The following FRMPD3 variants were observed in gnomAD, a reference collection of about 807,000 sequenced individuals.
The protein encoded by FRMPD3 is FERM and PDZ domain-containing protein 3.
FRMPD3 carries 42 observed loss-of-function variants against 97.9 expected under a neutral mutation model. The ratio of observed to expected loss-of-function variants is 0.43; its 90% CI spans 0.34 to 0.55. The LOEUF is 0.55. Among genes scored for constraint, FRMPD3 ranks in the 20% least tolerant of loss-of-function variants. The probability of loss-of-function intolerance (pLI) is 0.03; values close to 1 mark genes in which losing one functional copy is unlikely to be tolerated. For synonymous variants in FRMPD3, 577 were observed against 581.1 expected (o/e 0.99, Z 0.10); for missense variants, 1,303 against 1,457.7 (o/e 0.89, Z 1.73).
At chrX:107,552,184 A>C (rs1921891563) in intron 6 of FRMPD3, among the ~76,000 whole-genome samples, 1 of 112,378 alleles carries the variant, frequency 8.9e-6, no homozygotes, top group African/African-American at 3.2e-5. Flanking sequence ...ATGACTGTAC[A>C]CAAAACACAT....
At chrX:107,595,933 G>A (rs188351593) in intron 13 of FRMPD3, among the ~76,000 whole-genome samples, 2,036 of 97,809 alleles carry the variant, frequency 0.021, 65 homozygotes, top group African/African-American at 0.078. Context: ...GTGAGACTCC[G>A]TCTCAAAAAA....
chrX:107,509,284 G>C (rs1045417206), intron 1 of FRMPD3, among the ~76,000 whole-genome samples: 28 of 112,406 alleles, frequency 2.5e-4, no homozygotes, highest in African/African-American at 9.1e-4. Flanking sequence ...TTATAGCTTT[G>C]GTCTCTATTA....
rs753650602 is a variant in FRMPD3 at position 107,590,054 on chromosome X, C to T, written c.1442-7267C>T. Among the ~76,000 whole-genome samples the T allele has an allele frequency of 3.6e-5, 4 of 112,213 alleles. No individual in the cohort carries two copies. In the East Asian group the frequency reaches 1.1e-3, roughly 31 times the overall value. On this transcript the variant is annotated intron_variant, in intron 13 of 14. Transcript: ENST00000683843. ...CCTGTAGTCCCAGCTACTCAGGAGGCTGAGGCAGGGGAATCGCTTGAACCA... is the reference window on the plus strand; with the variant it reads ...CCTGTAGTCCCAGCTACTCAGGAGGTTGAGGCAGGGGAATCGCTTGAACCA...
At chrX:107,501,548 A>T (rs1433516836) in intron 1 of FRMPD3, among the ~76,000 whole-genome samples, 47 of 80,777 alleles carry the variant, frequency 5.8e-4, no homozygotes, top group South Asian at 2.1e-3. Context: ...TCCTATTTTT[A>T]TATCTTCTTT....
At chrX:107,471,008 C>T (rs186913103) in intron 1 of FRMPD3, among the ~76,000 whole-genome samples, 2 of 112,494 alleles carry the variant, frequency 1.8e-5, no homozygotes, top group East Asian at 2.8e-4. Flanking sequence ...GAAAGCCCAG[C>T]GCTATGGGCG....
At chrX:107,536,215 G>C (rs1053192800) in intron 4 of FRMPD3, among the ~76,000 whole-genome samples, 1 of 110,288 alleles carries the variant, frequency 9.1e-6, no homozygotes, top group African/African-American at 3.3e-5. Flanking sequence ...ATTTAGCTAG[G>C]TGTGGTAGGG....
intron 1 of FRMPD3, among the ~76,000 whole-genome samples, chrX:107,485,080 T>C (rs1409572225): frequency 1.8e-5 from 2 of 112,838 alleles, no homozygotes; most frequent in East Asian, 5.6e-4. Flanking sequence ...GTCTGTTTCC[T>C]GGTTCTTCTG....
At chrX:107,570,839 C>G (rs1350267890) in intron 12 of FRMPD3, among the ~76,000 whole-genome samples, 1 of 111,542 alleles carries the variant, frequency 9.0e-6, no homozygotes. Flanking sequence ...TGCTAAGTGC[C>G]TGTTAGCTCC....
At chrX:107,557,795 GTCTA>G (rs1922152443) in intron 8 of FRMPD3, among the ~76,000 whole-genome samples, 2 of 26,610 alleles carry the variant, frequency 7.5e-5, no homozygotes, top group African/African-American at 2.5e-4. Flanking sequence ...AAAATCTGTT[GTCTA>G]TATATATATA....
intron 12 of FRMPD3, among the ~76,000 whole-genome samples, chrX:107,568,976 A>G (rs1327396539): frequency 1.8e-5 from 2 of 109,625 alleles, no homozygotes; most frequent in East Asian, 5.8e-4. Flanking sequence ...GCCTTCAAAA[A>G]GCTTACCTAG....
intron 1 of FRMPD3, among the ~76,000 whole-genome samples, chrX:107,510,508 T>A (rs1447071080): frequency 8.9e-6 from 1 of 111,924 alleles, no homozygotes; most frequent in Non-Finnish European, 1.9e-5. Flanking sequence ...GACAGGGTTT[T>A]CCCAGCTACC....
rs768380070 is a variant in FRMPD3, at chrX:107,493,137, A to T, written c.-7-33445A>T. 6.9e-4 allele frequency among the ~76,000 whole-genome samples: 66 copies of T among 95,337 alleles called. 1 individual carries two copies. The highest frequency in any genetic ancestry group is 2.4e-3 in the African/African-American group (61 of 25,498). 82.8% of individuals were successfully genotyped at this position (95,337 alleles called of 115,157 possible). A position where few individuals can be genotyped will look rare whatever the true frequency, so the allele number is the denominator to read the frequency against. ...TAAGGCTATAGAGAGCTGTGATTGTATCAATGCACTCCAACCTGGGTGACA... is the reference window on the plus strand; with the variant it reads ...TAAGGCTATAGAGAGCTGTGATTGTTTCAATGCACTCCAACCTGGGTGACA... On this transcript the variant is annotated intron_variant, in intron 1 of 14. Transcript: ENST00000683843.
At chrX:107,463,650 A>G (rs1931512372) in intron 1 of FRMPD3, among the ~76,000 whole-genome samples, 1 of 112,747 alleles carries the variant, frequency 8.9e-6, no homozygotes, top group Non-Finnish European at 1.9e-5. Context: ...ATGGTCTGAT[A>G]TGAAGGATGG....
At chrX:107,517,908 A>G (rs1195856411) in intron 1 of FRMPD3, among the ~76,000 whole-genome samples, 1 of 109,634 alleles carries the variant, frequency 9.1e-6, no homozygotes, top group East Asian at 2.9e-4. Flanking sequence ...CATGGATTTT[A>G]AAGTGAAATC....
intron 11 of FRMPD3, among the ~76,000 whole-genome samples, 161 bp from the exon 12 acceptor site, chrX:107,564,726 A>G (rs929497238): frequency 8.9e-6 from 1 of 111,858 alleles, no homozygotes; most frequent in African/African-American, 3.3e-5. Context: ...GTCCCAGACC[A>G]TTTTCCCCTC....
At chrX:107,474,362 G>T (rs1399622477) in intron 1 of FRMPD3, among the ~76,000 whole-genome samples, 1 of 111,371 alleles carries the variant, frequency 9.0e-6, no homozygotes, top group Admixed American at 9.6e-5. Context: ...AGAGAGGGAG[G>T]CTAGGTGAAG....
At chrX:107,554,665 G>A in intron 8 of FRMPD3, 161 bp downstream of exon 8, 1 of 653,289 alleles carries the variant, frequency 1.5e-6, no homozygotes, top group Non-Finnish European at 2.2e-6. Flanking sequence ...CCATGGCCAA[G>A]TTGGCTGGCC....
intron 4 of FRMPD3, among the ~76,000 whole-genome samples, chrX:107,538,562 A>C (rs989630229): frequency 1.8e-5 from 2 of 108,510 alleles, no homozygotes; most frequent in East Asian, 5.7e-4. Context: ...AAAAAAAAAA[A>C]AAACCACTGG....
intron 5 of FRMPD3, among the ~76,000 whole-genome samples, chrX:107,548,456 G>A (rs1921713098): frequency 8.9e-6 from 1 of 112,184 alleles, no homozygotes; most frequent in Non-Finnish European, 1.9e-5. Flanking sequence ...TGGGATGAGA[G>A]TGATCATTCA....
Sources: allele counts gnomAD v4.1 joint callset (sites outside exome capture counted in the v4.1 genomes callset), GRCh38; gene constraint gnomAD v4.1.1; transcripts MANE v1.5; gene names NCBI Gene and HGNC (gene_info 2026-07-23, HGNC 2026-07-21).